SAMD12: variants seen among roughly 807,000 people sequenced by gnomAD.
SAMD12 encodes sterile alpha motif domain containing 12.
SAMD12 carries 9 observed loss-of-function variants against 15.0 expected under a neutral mutation model. That is an observed-to-expected ratio of 0.60 (90% CI 0.36 to 1.05). The LOEUF is 1.05. SAMD12 is among the 50% of genes least tolerant of loss of function. SAMD12 has a pLI of 0.01. For synonymous variants in SAMD12, 86 were observed against 90.1 expected (o/e 0.96, Z 0.25); for missense variants, 230 against 234.2 (o/e 0.98, Z 0.12).
At chr8:118,197,191 A>G (rs1182803386) in exon 5 of SAMD12, 1 of 155,882 alleles carries the variant, frequency 6.4e-6, no homozygotes, top group African/African-American at 2.4e-5. Context: ...TAAAGTGCTT[A>G]AGAGTTGGAC....
chr8:118,166,365 T>A, the SAMD12 span, among the ~76,000 whole-genome samples: 4 of 152,230 alleles, frequency 2.6e-5, no homozygotes, highest in Non-Finnish European at 5.9e-5. Flanking sequence ...ACAGTACCTT[T>A]ATTAGTTCTG....
intron 4 of SAMD12, among the ~76,000 whole-genome samples, chr8:118,301,121 T>C (rs372009629): frequency 9.2e-5 from 14 of 152,254 alleles, no homozygotes; most frequent in African/African-American, 3.4e-4. Context: ...TAGACTAAGA[T>C]GGGAATAAAA....
At chr8:118,539,672 C>A (rs750084072) in intron 2 of SAMD12, among the ~76,000 whole-genome samples, 5 of 152,136 alleles carry the variant, frequency 3.3e-5, no homozygotes, top group Non-Finnish European at 7.3e-5. Flanking sequence ...TCTCATCAGG[C>A]AATCACATTC....
At chr8:118,171,614 T>C in the SAMD12 span, among the ~76,000 whole-genome samples, 4 of 152,028 alleles carry the variant, frequency 2.6e-5, no homozygotes, top group Non-Finnish European at 5.9e-5. Context: ...TGCATTCATA[T>C]GAAATGTCTG....
chr8:118,472,417 T>C (rs1453314610), intron 2 of SAMD12, among the ~76,000 whole-genome samples: 3 of 152,150 alleles, frequency 2.0e-5, no homozygotes, highest in Non-Finnish European at 4.4e-5. Flanking sequence ...CTTGGTGCAG[T>C]GGCTCATGCC....
intron 4 of SAMD12, among the ~76,000 whole-genome samples, chr8:118,350,885 A>G (rs528226284): frequency 6.6e-6 from 1 of 152,294 alleles, no homozygotes; most frequent in East Asian, 1.9e-4. Context: ...ACAATGGGAA[A>G]CCTGCCTGCC....
chr8:118,186,072 C>G (rs778067296), downstream of SAMD12, among the ~76,000 whole-genome samples: 43 of 152,130 alleles, frequency 2.8e-4, no homozygotes, highest in Non-Finnish European at 5.1e-4. Flanking sequence ...TTTGAAAGTG[C>G]TACATTGAAC....
At chr8:118,399,201 C>CTTT (rs10535786) in intron 3 of SAMD12, among the ~76,000 whole-genome samples, 1 of 147,406 alleles carries the variant, frequency 6.8e-6, no homozygotes, top group Non-Finnish European at 1.5e-5. Flanking sequence ...TTTTTTTTTT[C>CTTT]TTTTTTTTTT....
At chr8:118,529,232 G>A (rs776251608) in intron 2 of SAMD12, among the ~76,000 whole-genome samples, 22 of 152,134 alleles carry the variant, frequency 1.4e-4, no homozygotes, top group Non-Finnish European at 2.5e-4. Context: ...CCTCAGCTGC[G>A]TTTCAAAATT....
In SAMD12 at chr8:118,621,963, C is replaced by A. The variant is rs1563616820; in HGVS notation, c.-147G>T. ...CCTGCCGCGGTCACGCAAAGCGAGG[C>A]AGCCGGCTCCCGGCTCGGCGCGCGC... On this transcript the variant is annotated 5_prime_UTR_variant, in exon 1 of 4. Transcript: ENST00000314727. 4.0e-6 allele frequency: 4 copies of A among 987,892 alleles called. No homozygotes were observed. Among genetic ancestry groups the A allele is most frequent in the Non-Finnish European group, 6.5e-6 (4 of 619,200 alleles). 61.2% of individuals were successfully genotyped at this position (987,892 alleles called of 1,614,324 possible).
chr8:118,518,971 A>G (rs1825318734), intron 2 of SAMD12, among the ~76,000 whole-genome samples: 1 of 152,208 alleles, frequency 6.6e-6, no homozygotes, highest in Non-Finnish European at 1.5e-5. Flanking sequence ...AGGGCTTAAG[A>G]TGGTAGCTTT....
intron 4 of SAMD12, among the ~76,000 whole-genome samples, chr8:118,226,692 T>G (rs1273569925): frequency 2.0e-5 from 3 of 152,144 alleles, no homozygotes; most frequent in African/African-American, 4.8e-5. Flanking sequence ...GAGGTAGTAT[T>G]GTAAAGAAAA....
chr8:118,252,326 G>A (rs1210939753), intron 4 of SAMD12, among the ~76,000 whole-genome samples: 1 of 152,174 alleles, frequency 6.6e-6, no homozygotes, highest in Non-Finnish European at 1.5e-5. Context: ...GGATGCTCAT[G>A]TAGAGAGGGG....
chr8:118,545,594 G>A (rs185303755), intron 2 of SAMD12, among the ~76,000 whole-genome samples: 32 of 152,226 alleles, frequency 2.1e-4, no homozygotes, highest in Admixed American at 1.6e-3. Context: ...CATAGTCTTC[G>A]CCCAAAGTGG....
At chr8:118,597,567 T>C (rs1299915221) in intron 1 of SAMD12, among the ~76,000 whole-genome samples, 1 of 152,206 alleles carries the variant, frequency 6.6e-6, no homozygotes, top group African/African-American at 2.4e-5. Context: ...GAGCAAATCC[T>C]GAAGTCTCGC....
rs1009692627 is a variant in SAMD12, at chr8:118,378,828, A to G, written c.*589T>C. The G allele has an allele frequency of 2.0e-6, 2 of 985,396 alleles. No homozygotes were observed. The highest frequency in any genetic ancestry group is 2.4e-6 in the Non-Finnish European group (2 of 829,892). The allele number at this position is 985,396 out of a possible 1,614,324, so 61.0% of individuals were successfully genotyped here. On this transcript the variant is annotated 3_prime_UTR_variant, in exon 4 of 4. Transcript: ENST00000314727. ...TAACTTAAGGCTTTCTTCGAATTCT[A>G]GCTTTATTTTGTCACTTCCACAGTT...
chr8:118,255,498 T>TC (rs1198647596), intron 4 of SAMD12, among the ~76,000 whole-genome samples: 2 of 82,848 alleles, frequency 2.4e-5, no homozygotes, highest in Non-Finnish European at 4.6e-5. Context: ...ATGCTATCCC[T>TC]CCCCCCTCCC....
chr8:118,456,203 C>T (rs889082178), intron 2 of SAMD12, among the ~76,000 whole-genome samples: 11 of 152,212 alleles, frequency 7.2e-5, no homozygotes, highest in African/African-American at 2.4e-4. Context: ...ACATATACAG[C>T]CCACCCTTAC....
At chr8:118,264,938 C>A (rs112117561) in intron 4 of SAMD12, among the ~76,000 whole-genome samples, 1 of 152,104 alleles carries the variant, frequency 6.6e-6, no homozygotes, top group Non-Finnish European at 1.5e-5. Context: ...TCTTATCCTG[C>A]GAAGGGCAGG....
Sources: gnomAD v4.1 joint callset for allele counts (sites outside exome capture counted in the v4.1 genomes callset) on GRCh38, gnomAD v4.1.1 for gene constraint, MANE v1.5 for transcripts, NCBI Gene and HGNC (gene_info 2026-07-23, HGNC 2026-07-21) for gene names.